The following ANKRD55 variants were observed in gnomAD, a reference collection of about 807,000 sequenced individuals.
ANKRD55 encodes ankyrin repeat domain-containing protein 55.
A neutral mutation model predicts 60.6 loss-of-function variants in ANKRD55; 41 were observed. That is an observed-to-expected ratio of 0.68 (90% CI 0.53 to 0.88). The LOEUF is 0.88. Among genes scored for constraint, ANKRD55 ranks in the 40% least tolerant of loss-of-function variants. The probability of loss-of-function intolerance (pLI) is 0.00; values close to 1 mark genes in which losing one functional copy is unlikely to be tolerated. For missense variants in ANKRD55, 732 were observed against 767.6 expected (o/e 0.95, Z 0.55); for synonymous variants, 264 against 290.3 (o/e 0.91, Z 0.92).
rs569182028 is a variant in ANKRD55 at position 56,133,037 on chromosome 5, A to G, written c.613-5931T>C. On this transcript the variant is annotated intron_variant, in intron 7 of 11. Transcript: ENST00000341048. ...GCGAGGCAAAACCTGATAAAGCTGCAAGAAGAAACAGATGAGTCCGCTTTA... is the reference window on the plus strand; with the variant it reads ...GCGAGGCAAAACCTGATAAAGCTGCGAGAAGAAACAGATGAGTCCGCTTTA... Among the ~76,000 whole-genome samples the G allele has an allele frequency of 7.9e-5, 12 of 152,376 alleles. No homozygotes were observed. In the South Asian group the frequency reaches 1.9e-3, roughly 24 times the overall value.
At chr5:56,106,419 G>A (rs907036745) in intron 10 of ANKRD55, among the ~76,000 whole-genome samples, 45 of 106,858 alleles carry the variant, frequency 4.2e-4, no homozygotes, top group South Asian at 2.0e-3. Context: ...GGCTAGGAAA[G>A]CTTTTTTTTT....
At position 56,106,420 on chromosome 5, in the gene ANKRD55, C is replaced by T. The variant is rs1258637597; in HGVS notation, c.1631-3834G>A. ...AATAAAATCCGTAAGGCTAGGAAAG[C>T]TTTTTTTTTTTTTTTTTTTTTTTGA... On this transcript the variant is annotated intron_variant, in intron 10 of 11. Transcript: ENST00000341048. Among the ~76,000 whole-genome samples the T allele has an allele frequency of 6.9e-4, 67 of 96,882 alleles. 1 individual carries two copies. Among genetic ancestry groups the T allele is most frequent in the African/African-American group, 2.6e-3 (44 of 17,118 alleles). 63.6% of individuals were successfully genotyped at this position (96,882 alleles called of 152,430 possible).
At chr5:56,187,752 C>T (rs745783511) in intron 2 of ANKRD55, among the ~76,000 whole-genome samples, 9 of 152,316 alleles carry the variant, frequency 5.9e-5, no homozygotes, top group East Asian at 5.8e-4. Context: ...GGTTCTCTTC[C>T]GTGACCCACG....
At chr5:56,135,331 CT>C (rs1398760750) in intron 7 of ANKRD55, among the ~76,000 whole-genome samples, 2 of 17,156 alleles carry the variant, frequency 1.2e-4, no homozygotes, top group Non-Finnish European at 1.1e-4. Flanking sequence ...TTCTTTCTTT[CT>C]TTCTTTCTTT....
rs939612428 is a variant in ANKRD55, at chr5:56,118,551, G to T, written c.798-1769C>A. On this transcript the variant is annotated intron_variant, in intron 8 of 11. Transcript: ENST00000341048. ...AGGCAGGAGAATGGTGTGAACCGGGGAGGCAGAGCTTGCAGTGAGCCGAGA... is the reference window on the plus strand; with the variant it reads ...AGGCAGGAGAATGGTGTGAACCGGGTAGGCAGAGCTTGCAGTGAGCCGAGA... 3.9e-5 allele frequency among the ~76,000 whole-genome samples: 6 copies of T among 152,116 alleles called. No homozygotes were observed. In the East Asian group the frequency reaches 1.2e-3, roughly 29 times the overall value.
chr5:56,171,478 ATCT>A (rs1163350048), intron 4 of ANKRD55, among the ~76,000 whole-genome samples: 1 of 152,130 alleles, frequency 6.6e-6, no homozygotes, highest in Non-Finnish European at 1.5e-5. Flanking sequence ...CTGCTGGGTC[ATCT>A]TCTCATTGTC....
chr5:56,173,570 C>CTA (rs1403998682), intron 4 of ANKRD55, among the ~76,000 whole-genome samples: 93 of 110,928 alleles, frequency 8.4e-4, no homozygotes, highest in African/African-American at 9.2e-4. Context: ...CTCTCTCTCT[C>CTA]TCTCTCTCTC....
chr5:56,183,433 T>G (rs1303120715), intron 3 of ANKRD55, 79 bp downstream of exon 3: 1 of 1,561,720 alleles, frequency 6.4e-7, no homozygotes, highest in Non-Finnish European at 8.7e-7. Context: ...ATACATTTAT[T>G]AACATTGCTC....
At chr5:56,200,761 T>C (rs1759344780) in intron 2 of ANKRD55, among the ~76,000 whole-genome samples, 1 of 152,154 alleles carries the variant, frequency 6.6e-6, no homozygotes, top group South Asian at 2.1e-4. Flanking sequence ...ACATTGGGTA[T>C]TGCAATTTCA....
chr5:56,205,931 G>GT (rs1276186818), intron 2 of ANKRD55, among the ~76,000 whole-genome samples: 1 of 149,696 alleles, frequency 6.7e-6, no homozygotes, highest in African/African-American at 2.5e-5. Flanking sequence ...TCTGAACTCT[G>GT]TTTTTTCTTC....
At chr5:56,135,356 T>TTTCTTTCTTTCTTTCTTTC (rs1156462311) in intron 7 of ANKRD55, among the ~76,000 whole-genome samples, 703 of 53,702 alleles carry the variant, frequency 0.013, 73 homozygotes, top group African/African-American at 0.036. Flanking sequence ...TCTTTCTTTC[T>TTTCTTTCTTTCTTTCTTTC]TTCTTTCTTT....
chr5:56,231,766 A>G (rs933107657), intron 2 of ANKRD55, among the ~76,000 whole-genome samples: 1 of 152,128 alleles, frequency 6.6e-6, no homozygotes, highest in African/African-American at 2.4e-5. Flanking sequence ...TATATACATT[A>G]GCTAACTCAG....
intron 7 of ANKRD55, among the ~76,000 whole-genome samples, chr5:56,131,039 G>C (rs963623587): frequency 7.9e-5 from 12 of 151,928 alleles, no homozygotes; most frequent in African/African-American, 2.9e-4. Context: ...ACCAGAAGGA[G>C]AAGAGAAAAA....
At chr5:56,194,193 G>A (rs1228136671) in intron 2 of ANKRD55, among the ~76,000 whole-genome samples, 1 of 151,900 alleles carries the variant, frequency 6.6e-6, no homozygotes, top group Non-Finnish European at 1.5e-5. Context: ...GCGCGCACCT[G>A]TAGTCCCAGC....
intron 2 of ANKRD55, among the ~76,000 whole-genome samples, chr5:56,187,964 G>C (rs77341136): frequency 0.027 from 4,074 of 152,176 alleles, 205 homozygotes; most frequent in African/African-American, 0.092. Context: ...CTGATTGAAG[G>C]GTGGTTAAGT....
At chr5:56,225,149 T>G (rs1046448516) in intron 2 of ANKRD55, among the ~76,000 whole-genome samples, 4 of 152,194 alleles carry the variant, frequency 2.6e-5, no homozygotes, top group African/African-American at 9.7e-5. Flanking sequence ...TCAAGTTGGC[T>G]TCATCCCTGG....
chr5:56,148,280 G>A (rs1396650921), intron 6 of ANKRD55, among the ~76,000 whole-genome samples: 5 of 152,138 alleles, frequency 3.3e-5, no homozygotes, highest in Non-Finnish European at 5.9e-5. Context: ...CTGAGCCTTC[G>A]AAGCATCTAG....
chr5:56,179,380 A>G (rs2111826865), intron 3 of ANKRD55, among the ~76,000 whole-genome samples: 1 of 152,356 alleles, frequency 6.6e-6, no homozygotes, highest in Non-Finnish European at 1.5e-5. Context: ...AAGGAAAGAT[A>G]TACACCAGCT....
rs116125278 is a variant in ANKRD55 at position 56,216,929 on chromosome 5, A to G, written c.58+15927T>C. On this transcript the variant is annotated intron_variant, in intron 2 of 11. Transcript: ENST00000341048. ...GTCATTGATGAACGTGGCTATAGTAAACAACAGATTTTCAATGTAGATAAA... is the reference window on the plus strand; with the variant it reads ...GTCATTGATGAACGTGGCTATAGTAGACAACAGATTTTCAATGTAGATAAA... Among the ~76,000 whole-genome samples the G allele has an allele frequency of 9.3e-4, 142 of 152,352 alleles. 3 individuals are homozygous for G. In the Middle Eastern group the frequency reaches 0.027, roughly 29 times the overall value.
Sources: allele counts gnomAD v4.1 joint callset (sites outside exome capture counted in the v4.1 genomes callset), GRCh38; gene constraint gnomAD v4.1.1; transcripts MANE v1.5; gene names NCBI Gene and HGNC (gene_info 2026-07-23, HGNC 2026-07-21).